The following PTPRD variants were observed in gnomAD, a reference collection of about 807,000 sequenced individuals.
The protein encoded by PTPRD is protein tyrosine phosphatase receptor type D.
A neutral mutation model predicts 214.5 loss-of-function variants in PTPRD; 34 were observed. That is an observed-to-expected ratio of 0.16 (90% CI 0.12 to 0.21). The LOEUF (loss-of-function observed/expected upper bound fraction) is 0.21, where lower values mean the gene tolerates loss of function less well. Ranked by LOEUF, PTPRD falls within the 10% of genes least tolerant of loss-of-function variation. The pLI is 1.00. For synonymous variants in PTPRD, 1,128 were observed against 845.7 expected (o/e 1.33, Z -5.79); for missense variants, 2,545 against 2,398.7 (o/e 1.06, Z -1.27).
chr9:9,855,254 G>C (rs1371406023), intron 5 of PTPRD, among the ~76,000 whole-genome samples: 2 of 152,124 alleles, frequency 1.3e-5, no homozygotes, highest in African/African-American at 4.8e-5. Context: ...TTTAAAAAAG[G>C]AAAAGCCAAA....
rs16930049 is a variant in PTPRD, at chr9:9,684,484, C to T, written c.-287+50049G>A. ...GCCTCATTTAGATGGTCTTTGTCAA[C>T]TCAATGCAATTCAAAGAAAGACTCT... is the stretch of plus-strand genomic sequence containing the variant. On this transcript the variant is annotated intron_variant, in intron 7 of 45. Coordinates refer to ENST00000381196, the MANE Select transcript of PTPRD (RefSeq NM_002839.4). 7.3e-3 allele frequency among the ~76,000 whole-genome samples: 1,105 copies of T among 151,734 alleles called. 12 individuals carry two copies. Among genetic ancestry groups the T allele is most frequent in the African/African-American group, 0.025 (1,048 of 41,474 alleles).
intron 36 of PTPRD, among the ~76,000 whole-genome samples, chr9:8,392,378 T>G (rs7044042): frequency 0.12 from 18,215 of 151,740 alleles, 1,254 homozygotes; most frequent in African/African-American, 0.17. Context: ...ACTAAAAACT[T>G]GGCTGGATAT....
intron 9 of PTPRD, among the ~76,000 whole-genome samples, chr9:9,190,587 A>G (rs1199970764): frequency 1.3e-5 from 2 of 151,922 alleles, no homozygotes; most frequent in Non-Finnish European, 2.9e-5. Flanking sequence ...CTCTCTCCTG[A>G]TCTTCTGAAT....
intron 3 of PTPRD, among the ~76,000 whole-genome samples, chr9:10,274,542 C>A (rs1335077028): frequency 6.6e-6 from 1 of 152,092 alleles, no homozygotes; most frequent in African/African-American, 2.4e-5. Context: ...ATGGCTTTGG[C>A]CAAAATGCAG....
intron 11 of PTPRD, among the ~76,000 whole-genome samples, chr9:8,895,535 A>T (rs973013759): frequency 2.0e-5 from 3 of 152,198 alleles, no homozygotes; most frequent in Admixed American, 2.0e-4. Flanking sequence ...AGTCCAACAG[A>T]CTTCAACTCA....
intron 11 of PTPRD, among the ~76,000 whole-genome samples, chr9:8,848,593 T>A (rs1165245534): frequency 6.6e-6 from 1 of 151,442 alleles, no homozygotes; most frequent in African/African-American, 2.4e-5. Flanking sequence ...AATCCTCCTG[T>A]CTTGGCCTCC....
intron 3 of PTPRD, among the ~76,000 whole-genome samples, chr9:10,140,480 A>C (rs964274117): frequency 6.0e-4 from 91 of 152,202 alleles, no homozygotes; most frequent in Non-Finnish European, 2.1e-4. Flanking sequence ...CCTCTACGCA[A>C]ATAAACTAGA....
chr9:10,042,132 G>C (rs1004527564), intron 3 of PTPRD, among the ~76,000 whole-genome samples: 3 of 151,982 alleles, frequency 2.0e-5, no homozygotes, highest in Admixed American at 6.6e-5. Flanking sequence ...TTTTTCCAGA[G>C]ATTTAAACAC....
intron 4 of PTPRD, among the ~76,000 whole-genome samples, chr9:9,948,559 C>G (rs1434021027): frequency 6.6e-6 from 1 of 152,018 alleles, no homozygotes; most frequent in Non-Finnish European, 1.5e-5. Context: ...GCACTTTTAG[C>G]CTCAACTCTT....
intron 5 of PTPRD, among the ~76,000 whole-genome samples, chr9:9,852,773 T>C (rs1314108052): frequency 6.6e-6 from 1 of 152,220 alleles, no homozygotes; most frequent in South Asian, 2.1e-4. Context: ...TAAATTATAC[T>C]ATGAGATAGA....
chr9:9,198,206 C>A (rs969420555), intron 9 of PTPRD, among the ~76,000 whole-genome samples: 13 of 152,074 alleles, frequency 8.5e-5, no homozygotes, highest in African/African-American at 3.1e-4. Flanking sequence ...CTTTGCATTT[C>A]TTTAATCTTT....
At chr9:10,447,026 T>G (rs2098804987) in intron 2 of PTPRD, among the ~76,000 whole-genome samples, 1 of 152,140 alleles carries the variant, frequency 6.6e-6, no homozygotes, top group African/African-American at 2.4e-5. Context: ...CATAACATTA[T>G]AACAATAATT....
chr9:8,558,368 A>C (rs2084822485), intron 14 of PTPRD, among the ~76,000 whole-genome samples: 1 of 152,200 alleles, frequency 6.6e-6, no homozygotes, highest in Admixed American at 6.5e-5. Context: ...TTCATCACCA[A>C]GAAGCAGTAA....
chr9:8,848,238 A>T (rs556034267), intron 11 of PTPRD, among the ~76,000 whole-genome samples: 2 of 151,648 alleles, frequency 1.3e-5, no homozygotes, highest in East Asian at 3.9e-4. Flanking sequence ...TCCAGTCCCA[A>T]GCAGAGAAAG....
At chr9:10,000,288 A>T (rs1348137080) in intron 4 of PTPRD, among the ~76,000 whole-genome samples, 1 of 152,216 alleles carries the variant, frequency 6.6e-6, no homozygotes, top group Non-Finnish European at 1.5e-5. Context: ...GTTATAGTCT[A>T]TAGGACCCCC....
intron 9 of PTPRD, among the ~76,000 whole-genome samples, chr9:9,249,709 G>A (rs903248754): frequency 4.6e-5 from 7 of 152,088 alleles, no homozygotes; most frequent in East Asian, 1.9e-4. Flanking sequence ...GAGCTTCCAC[G>A]GTGGACTCTT....
intron 5 of PTPRD, among the ~76,000 whole-genome samples, chr9:9,832,323 C>G (rs1033892197): frequency 4.0e-5 from 6 of 151,768 alleles, no homozygotes; most frequent in African/African-American, 1.5e-4. Context: ...AAGAAAATAC[C>G]CCTATCTATA....
intron 5 of PTPRD, among the ~76,000 whole-genome samples, chr9:9,841,443 A>G (rs1376561854): frequency 1.3e-5 from 2 of 152,186 alleles, no homozygotes; most frequent in African/African-American, 2.4e-5. Flanking sequence ...TGGGATAAGT[A>G]GTACATGAGA....
chr9:8,992,116 T>C (rs1057076986), intron 11 of PTPRD, among the ~76,000 whole-genome samples: 7 of 152,130 alleles, frequency 4.6e-5, no homozygotes, highest in African/African-American at 1.7e-4. Context: ...AGGACTCTGA[T>C]GTCTGATGAT....
Sources: allele counts gnomAD v4.1 joint callset (sites outside exome capture counted in the v4.1 genomes callset), GRCh38; gene constraint gnomAD v4.1.1; transcripts MANE v1.5; gene names NCBI Gene and HGNC (gene_info 2026-07-23, HGNC 2026-07-21).